Variants in TTC28 observed in about 807,000 individuals in gnomAD.
TTC28 encodes tetratricopeptide repeat protein 28.
In TTC28, 61 loss-of-function variants were observed where a neutral mutation model predicts 198.0. The observed-to-expected ratio is 0.31, with a 90% CI of 0.25 to 0.38. The LOEUF (loss-of-function observed/expected upper bound fraction) is 0.38. TTC28 is among the 10% of genes least tolerant of loss of function. TTC28 has a pLI of 1.00. For missense variants in TTC28, 2,678 were observed against 3,164.0 expected (o/e 0.85, Z 3.69); for synonymous variants, 1,171 against 1,297.8 (o/e 0.90, Z 2.10).
At chr22:28,003,206 T>C (rs756462900) in intron 14 of TTC28, among the ~76,000 whole-genome samples, 4 of 151,924 alleles carry the variant, frequency 2.6e-5, no homozygotes, top group African/African-American at 7.3e-5. Context: ...GCCGGCTCCA[T>C]AGGTAAAGGT....
intron 2 of TTC28, among the ~76,000 whole-genome samples, chr22:28,495,325 A>G (rs571314101): frequency 2.0e-5 from 3 of 152,170 alleles, no homozygotes; most frequent in Non-Finnish European, 4.4e-5. Flanking sequence ...AAGCTTCCAG[A>G]ACTAAGAAGG....
chr22:28,040,168 G>A (rs933323486), intron 12 of TTC28, among the ~76,000 whole-genome samples: 3 of 152,148 alleles, frequency 2.0e-5, no homozygotes, highest in Non-Finnish European at 4.4e-5. Flanking sequence ...ACAAAGAGGA[G>A]CTGGTACCAT....
chr22:28,340,286 A>G (rs1217713759), intron 2 of TTC28, among the ~76,000 whole-genome samples: 1 of 152,110 alleles, frequency 6.6e-6, no homozygotes. Flanking sequence ...TTCTAAAATC[A>G]CATTTCTATG....
At chr22:28,646,567 T>C (rs1485707544) in intron 1 of TTC28, among the ~76,000 whole-genome samples, 2 of 152,148 alleles carry the variant, frequency 1.3e-5, no homozygotes, top group East Asian at 3.9e-4. Context: ...CTAATATTCT[T>C]ATGAAATCGA....
intron 2 of TTC28, among the ~76,000 whole-genome samples, chr22:28,563,818 A>C (rs1431816246): frequency 2.0e-5 from 3 of 151,876 alleles, no homozygotes; most frequent in African/African-American, 7.3e-5. Context: ...AAGAAGTGAA[A>C]CTCAAACAAA....
chr22:28,319,067 A>G (rs2045402864), intron 2 of TTC28, among the ~76,000 whole-genome samples: 2 of 152,086 alleles, frequency 1.3e-5, no homozygotes, highest in South Asian at 2.1e-4. Flanking sequence ...GACTTAAGCG[A>G]TCCTCTCACC....
At chr22:28,517,829 A>G (rs1266260136) in intron 2 of TTC28, among the ~76,000 whole-genome samples, 1 of 152,212 alleles carries the variant, frequency 6.6e-6, no homozygotes, top group Non-Finnish European at 1.5e-5. Context: ...ACAACTCTTT[A>G]CATCAATACT....
intron 13 of TTC28, among the ~76,000 whole-genome samples, chr22:28,027,478 T>C (rs1938882503): frequency 6.6e-6 from 1 of 152,214 alleles, no homozygotes; most frequent in South Asian, 2.1e-4. Context: ...TTGACTCGCA[T>C]TAGCTACAGA....
At position 28,468,232 on chromosome 22, in the gene TTC28, A is replaced by G. The variant is rs138878971; in HGVS notation, c.381+161320T>C. Among the ~76,000 whole-genome samples the G allele has an allele frequency of 6.7e-3, 1,026 of 152,320 alleles. 6 individuals carry two copies. The highest frequency in any genetic ancestry group is 0.022 in the African/African-American group (932 of 41,556). On this transcript the variant is annotated intron_variant, in intron 2 of 22. Transcript: ENST00000397906. ...GAGAAAAAGCTGAATGGATCCCTGCAGCACGTCTGCAGCTGATCTACAAAT... is the reference window on the plus strand; with the variant it reads ...GAGAAAAAGCTGAATGGATCCCTGCGGCACGTCTGCAGCTGATCTACAAAT...
chr22:28,292,208 C>A (rs1255223762), intron 5 of TTC28, among the ~76,000 whole-genome samples: 1 of 151,946 alleles, frequency 6.6e-6, no homozygotes, highest in African/African-American at 2.4e-5. Flanking sequence ...ATTTTGTAGA[C>A]AGGGCCTCTC....
intron 2 of TTC28, among the ~76,000 whole-genome samples, chr22:28,446,777 T>G (rs375788511): frequency 2.0e-5 from 3 of 152,296 alleles, no homozygotes; most frequent in African/African-American, 7.2e-5. Flanking sequence ...CAGTCCTGTA[T>G]AGCAATACAA....
chr22:28,418,986 A>G (rs2047207394), intron 2 of TTC28, among the ~76,000 whole-genome samples: 1 of 152,190 alleles, frequency 6.6e-6, no homozygotes. Context: ...CTCAAGATTT[A>G]CTGAGACAGA....
At chr22:28,105,207 C>T (rs193119205) in intron 8 of TTC28, 72 bp downstream of exon 8, 71 of 1,480,340 alleles carry the variant, frequency 4.8e-5, no homozygotes, top group Admixed American at 6.2e-5. Context: ...ATACTTCCCT[C>T]TGAGTCTTGA....
intron 5 of TTC28, among the ~76,000 whole-genome samples, chr22:28,189,704 T>C (rs1243844032): frequency 6.6e-6 from 1 of 152,170 alleles, no homozygotes; most frequent in Non-Finnish European, 1.5e-5. Flanking sequence ...TAAAATACTG[T>C]CAAAATCCTG....
rs182798900 is a variant in TTC28 at position 28,641,756 on chromosome 22, A to T, written c.103-11926T>A. ...ATATTAAAGAAAATACTGAAAGAAA[A>T]CTATCCCAGACAGAAGCAGAGGAAT... On this transcript the variant is annotated intron_variant, in intron 1 of 22. Coordinates refer to ENST00000397906, the MANE Select transcript of TTC28 (RefSeq NM_001145418.2). 2.0e-5 allele frequency among the ~76,000 whole-genome samples: 3 copies of T among 152,352 alleles called. No individual in the cohort carries two copies. The East Asian group carries it at 5.8e-4, about 29-fold the overall frequency.
intron 2 of TTC28, among the ~76,000 whole-genome samples, chr22:28,500,341 C>T (rs2048519216): frequency 1.3e-5 from 2 of 152,144 alleles, no homozygotes; most frequent in Non-Finnish European, 1.5e-5. Flanking sequence ...GGTTCACCTA[C>T]CTTTTAGCAT....
intron 4 of TTC28, among the ~76,000 whole-genome samples, chr22:28,297,122 G>A (rs1420252004): frequency 1.3e-5 from 2 of 152,166 alleles, no homozygotes; most frequent in Non-Finnish European, 2.9e-5. Flanking sequence ...CCTTTTGGGA[G>A]TGCTGGCACC....
chr22:28,553,584 G>A (rs1306692672), intron 2 of TTC28, among the ~76,000 whole-genome samples: 13 of 150,374 alleles, frequency 8.6e-5, no homozygotes, highest in East Asian at 2.0e-4. Flanking sequence ...GAGCCCCTCC[G>A]CCCGGCAGCC....
chr22:28,391,873 C>T (rs134537), intron 2 of TTC28, among the ~76,000 whole-genome samples: 148,126 of 151,174 alleles, frequency 0.98, 72,570 homozygotes, highest in East Asian at 0.99. Context: ...AGCTTTGTTC[C>T]GTTGCTGGTG....
Sources: allele counts gnomAD v4.1 joint callset (sites outside exome capture counted in the v4.1 genomes callset), GRCh38; gene constraint gnomAD v4.1.1; transcripts MANE v1.5; gene names NCBI Gene and HGNC (gene_info 2026-07-23, HGNC 2026-07-21).